The following ANKRD34B variants were observed in gnomAD, a reference collection of about 807,000 sequenced individuals.
ANKRD34B encodes ankyrin repeat domain 34B, also known as ankyrin repeat domain-containing protein 34B.
Under a neutral mutation model 4.4 loss-of-function variants are expected in ANKRD34B, and 2 were observed. That is an observed-to-expected ratio of 0.46 (90% CI 0.19 to 1.44). The LOEUF is 1.44. Ranked by LOEUF, ANKRD34B falls within the 40% of genes most tolerant of loss-of-function variation. ANKRD34B has a pLI of 0.26. For missense variants in ANKRD34B, 558 were observed against 604.7 expected, an observed-to-expected ratio of 0.92 and a Z score of 0.81; for synonymous variants, 226 against 227.1, an observed-to-expected ratio of 0.99 and a Z score of 0.05.
chr5:80,561,745 C>G (rs949584402), intron 4 of ANKRD34B, among the ~76,000 whole-genome samples: 44 of 152,104 alleles, frequency 2.9e-4, no homozygotes, highest in African/African-American at 1.1e-3. Flanking sequence ...ATCTGGCAGG[C>G]AGACAAAGGA....
chr5:80,565,200 T>G (rs1746529784), intron 3 of ANKRD34B, among the ~76,000 whole-genome samples: 1 of 152,234 alleles, frequency 6.6e-6, no homozygotes, highest in Non-Finnish European at 1.5e-5. Flanking sequence ...TTCTTTTATC[T>G]CACCTTCTCC....
chr5:80,565,626 C>CT (rs1746542840), intron 3 of ANKRD34B, among the ~76,000 whole-genome samples: 1 of 152,214 alleles, frequency 6.6e-6, no homozygotes, highest in Non-Finnish European at 1.5e-5. Flanking sequence ...TAGAGAAATA[C>CT]TTTCTTGTTT....
At position 80,559,323 on chromosome 5, in the gene ANKRD34B, G is replaced by A. The variant is rs756149832; in HGVS notation, c.697C>T (p.Pro233Ser). The A allele has an allele frequency of 1.2e-6, 2 of 1,614,126 alleles. No homozygotes were observed. Among genetic ancestry groups the A allele is most frequent in the East Asian group, 4.5e-5 (2 of 44,878 alleles). ...TWDPGSPVRK[P>S]ALAPKGPKLP... ...TTGGGCCCCTTAGGGGCCAATGCAG[G>A]TTTCCTCACAGGGGAACCTGGGTCC... Residue 233 changes from proline to serine, a missense_variant, in exon 5 of 5, where the codon CCT (proline) becomes TCT (serine). Pro to Ser is a moderately conservative substitution (Grantham distance 74). Transcript: ENST00000338682.
rs374460822 is a variant in ANKRD34B, at chr5:80,559,081, G to A, written c.939C>T (p.Ser313=). ...AHLLRAFDQA[S]SRKMSYDEIN... The stretch of plus-strand genomic sequence containing the variant: ...TTTCATCATATGACATCTTCCTTGA[G>A]CTGGCCTGATCAAAGGCTCTTAGCA... Residue 313 remains serine, a synonymous_variant, in exon 5 of 5, where the codon AGC becomes AGT. Coordinates refer to ENST00000338682, the MANE Select transcript of ANKRD34B (RefSeq NM_001004441.3). 1 of 1,614,072 alleles carries A rather than the reference G, an allele frequency of 6.2e-7. No homozygotes were observed. Among genetic ancestry groups the A allele is most frequent in the African/African-American group, 1.3e-5 (1 of 74,920 alleles).
At chr5:80,562,820 A>T (rs76760859) in intron 4 of ANKRD34B, among the ~76,000 whole-genome samples, 3,698 of 152,268 alleles carry the variant, frequency 0.024, 153 homozygotes, top group African/African-American at 0.084. Flanking sequence ...TGAGGCTGAA[A>T]ACGCAAGCCT....
chr5:80,557,572 G>A lies in ANKRD34B; in HGVS notation c.*903C>T, dbSNP rs955853636. On this transcript the variant is annotated 3_prime_UTR_variant, in exon 5 of 5. Transcript: ENST00000338682. ...TTTTTTTTTTTGGTTCTTTTTGAAA[G>A]ACAAGAATAATTTGATATAAGTAAA... 1 of 151,156 alleles carries A rather than the reference G, an allele frequency of 6.6e-6. No individual in the cohort carries two copies. Among genetic ancestry groups the A allele is most frequent in the Non-Finnish European group, 1.5e-5 (1 of 67,840 alleles). The allele number at this position is 151,156 out of a possible 1,614,324, so 9.4% of individuals were successfully genotyped here. A position where few individuals can be genotyped will look rare whatever the true frequency, so the allele number is the denominator to read the frequency against.
At position 80,559,199 on chromosome 5, in the gene ANKRD34B, T is replaced by A; in HGVS notation, c.821A>T (p.Glu274Val). Residue 274 changes from glutamate (E) to valine (V), a missense_variant, in exon 5 of 5, where the codon GAG (glutamate) becomes GTG (valine). Coordinates refer to ENST00000338682, the MANE Select transcript of ANKRD34B (RefSeq NM_001004441.3). The part of the protein sequence containing the change: ...LQEELQDITP[E>V]EELSYKTNGL... ...ATTGGTTTTATAGGATAGTTCTTCC[T>A]CTGGTGTAATATCCTGGAGCTCCTC... 1 of 1,614,196 alleles carries A rather than the reference T, an allele frequency of 6.2e-7. No homozygotes were observed. The highest frequency in any genetic ancestry group is 8.5e-7 in the Non-Finnish European group (1 of 1,180,034).
chr5:80,567,987 A>G (rs1746626880), intron 2 of ANKRD34B, among the ~76,000 whole-genome samples: 1 of 152,196 alleles, frequency 6.6e-6, no homozygotes, highest in Admixed American at 6.5e-5. Flanking sequence ...GATTGTGAGG[A>G]TTTTAAAAGA....
In ANKRD34B at chr5:80,567,621, C is replaced by CAAAAAAAAAAAAAAAAAAAAAAAAAAAAA. The variant is rs111603222; in HGVS notation, c.-190-848_-190-847insTTTTTTTTTTTTTTTTTTTTTTTTTTTTT. Among the ~76,000 whole-genome samples, 54 of 50,452 alleles carry CAAAAAAAAAAAAAAAAAAAAAAAAAAAAA rather than the reference C, an allele frequency of 1.1e-3. 1 individual carries two copies. The highest frequency in any genetic ancestry group is 1.4e-3 in the Non-Finnish European group (35 of 25,890). The allele number at this position is 50,452 out of a possible 152,430, so 33.1% of individuals were successfully genotyped here. The stretch of plus-strand genomic sequence containing the variant: ...GGGTGACAAAAGCAAGACTCCGTCT[C>CAAAAAAAAAAAAAAAAAAAAAAAAAAAAA]AAAAAAAAAAAAAAAGAAAAGAAAA... On this transcript the variant is annotated intron_variant, in intron 2 of 4. Coordinates refer to ENST00000338682, the MANE Select transcript of ANKRD34B (RefSeq NM_001004441.3).
Position 80,558,318 on chromosome 5 carries a change from A to G in ANKRD34B, c.*157T>C. 1 of 583,000 alleles carries G rather than the reference A, an allele frequency of 1.7e-6. No individual in the cohort carries two copies. The highest frequency in any genetic ancestry group is 3.0e-5 in the East Asian group (1 of 33,464). The allele number at this position is 583,000 out of a possible 1,614,324, so 36.1% of individuals were successfully genotyped here. A position where few individuals can be genotyped will look rare whatever the true frequency, so the allele number is the denominator to read the frequency against. ...AAACTATGTATTATTTTTTATGCTC[A>G]TGACGCCTAGTACAAATCACATTAC... is the stretch of plus-strand genomic sequence containing the variant. On this transcript the variant is annotated 3_prime_UTR_variant, in exon 5 of 5. Coordinates refer to ENST00000338682, the MANE Select transcript of ANKRD34B (RefSeq NM_001004441.3).
At chr5:80,564,778 T>C (rs1361031363) in intron 3 of ANKRD34B, among the ~76,000 whole-genome samples, 1 of 142,678 alleles carries the variant, frequency 7.0e-6, no homozygotes, top group Non-Finnish European at 1.5e-5. Flanking sequence ...CAATCTCGGC[T>C]CACTGTAACC....
chr5:80,563,004 G>T (rs898074987), intron 4 of ANKRD34B, among the ~76,000 whole-genome samples: 1 of 152,038 alleles, frequency 6.6e-6, no homozygotes, highest in Non-Finnish European at 1.5e-5. Context: ...ATGAAAAGAT[G>T]AAAAATTGAA....
Position 80,558,730 on chromosome 5 carries a change from T to A in ANKRD34B, c.1290A>T (p.Arg430=). 1.2e-6 allele frequency: 2 copies of A among 1,614,166 alleles called. No homozygotes were observed. The highest frequency in any genetic ancestry group is 2.2e-5 in the South Asian group (2 of 91,082). The part of the protein sequence containing the change: ...SRRNHAVLER[R]GSGAFPLDHS... The stretch of plus-strand genomic sequence containing the variant: ...GATCTAAAGGGAAAGCTCCTGAACC[T>A]CGCCTTTCTAAAACTGCATGATTTC... The change falls in exon 5 of 5, where the codon CGA becomes CGT. Residue 430 remains arginine, a synonymous_variant. Transcript: ENST00000338682.
Position 80,559,420 on chromosome 5 carries a change from A to G in ANKRD34B, c.600T>C (p.His200=). The change falls in exon 5 of 5, where the codon CAT becomes CAC. Residue 200 remains histidine, a synonymous_variant. Transcript: ENST00000338682. The stretch of plus-strand genomic sequence containing the variant: ...AAAGCGTCAGTTCCGTTTCAGAAGA[A>G]TGTGAAAGTGGCGATGAGGCAGTTT... The part of the protein sequence containing the change: ...DIKTASSPLS[H]SSETELTLFG... 2 of 1,614,218 alleles carry G rather than the reference A, an allele frequency of 1.2e-6. No homozygotes were observed. The highest frequency in any genetic ancestry group is 1.7e-6 in the Non-Finnish European group (2 of 1,180,038).
Position 80,559,386 on chromosome 5 carries a change from T to A in ANKRD34B, c.634A>T (p.Lys212Ter). Residue 212 changes from lysine (K) to a stop codon, truncating the protein, a stop_gained, in exon 5 of 5, where the codon AAA (lysine) becomes TAA (stop). Coordinates refer to ENST00000338682, the MANE Select transcript of ANKRD34B (RefSeq NM_001004441.3). LOFTEE classifies it low-confidence loss of function (END_TRUNC). ...TTGCTTCCAGCAAGCTCAAGATCTT[T>A]AAAGCCAAAAAGCGTCAGTTCCGTT... Reference protein sequence around the residue: ...SETELTLFGFKDLELAGSNDD... With the variant: ...SETELTLFGF 1 of 1,614,178 alleles carries A rather than the reference T, an allele frequency of 6.2e-7. No individual in the cohort carries two copies. Among genetic ancestry groups the A allele is most frequent in the Non-Finnish European group, 8.5e-7 (1 of 1,180,034 alleles).
chr5:80,559,913 A>T lies in ANKRD34B; in HGVS notation c.107T>A (p.Ile36Asn), dbSNP rs768907369. 6.2e-7 allele frequency: 1 copy of T among 1,614,250 alleles called. No homozygotes were observed. The highest frequency in any genetic ancestry group is 8.5e-7 in the Non-Finnish European group (1 of 1,180,042). Residue 36 changes from isoleucine to asparagine, a missense_variant, in exon 5 of 5, where the codon ATT becomes AAT. Transcript: ENST00000338682. The part of the protein sequence containing the change: ...TRLLLEGGAY[I>N]NESNDRGETP... ...TTCCCCACGGTCGTTGCTCTCATTA[A>T]TGTAGGCACCGCCTTCTAGCAAAAG...
chr5:80,566,796 CAG>C (rs756061604), intron 2 of ANKRD34B, 22 bp from the exon 3 acceptor site: 2 of 152,614 alleles, frequency 1.3e-5, no homozygotes, highest in African/African-American at 2.4e-5. Context: ...CAAAGCTATT[CAG>C]AGTTACATAA....
chr5:80,564,427 G>C (rs1746499282), intron 3 of ANKRD34B: 1 of 152,286 alleles, frequency 6.6e-6, no homozygotes, highest in Non-Finnish European at 1.5e-5. Flanking sequence ...AGGAGGTTCT[G>C]GGAGAAGAAG....
Position 80,559,699 on chromosome 5 carries a change from A to G in ANKRD34B, c.321T>C (p.Ser107=). ...GPEVVSLLLK[S]GADLSLQDHS... is the part of the protein sequence containing the mutation. ...GGTCTTGCAAGCTGAGGTCAGCCCC[A>G]CTCTTGAGGAGCAAGGAAACAACTT... is the stretch of plus-strand genomic sequence containing the variant. Residue 107 remains serine (S), a synonymous_variant, in exon 5 of 5, where the codon AGT becomes AGC. Coordinates refer to ENST00000338682, the MANE Select transcript of ANKRD34B (RefSeq NM_001004441.3). 1 of 1,614,094 alleles carries G rather than the reference A, an allele frequency of 6.2e-7. No homozygotes were observed. The highest frequency in any genetic ancestry group is 1.7e-4 in the Middle Eastern group (1 of 6,058).
Sources: gnomAD v4.1 joint callset for allele counts (sites outside exome capture counted in the v4.1 genomes callset) on GRCh38, gnomAD v4.1.1 for gene constraint, MANE v1.5 for transcripts, NCBI Gene and HGNC (gene_info 2026-07-23, HGNC 2026-07-21) for gene names.